Variants in CAMK1D observed in about 807,000 individuals in gnomAD.
CAMK1D encodes calcium/calmodulin-dependent protein kinase type 1D.
A neutral mutation model predicts 47.7 loss-of-function variants in CAMK1D; 9 were observed. The observed-to-expected ratio is 0.19, with a 90% confidence interval of 0.11 to 0.33. The LOEUF (loss-of-function observed/expected upper bound fraction) is 0.33, where lower values mean the gene tolerates loss of function less well. CAMK1D is among the 10% of genes least tolerant of loss of function. CAMK1D has a pLI of 1.00. For synonymous variants in CAMK1D, 184 were observed against 184.9 expected (o/e 0.99, Z 0.04); for missense variants, 291 against 488.7 (o/e 0.60, Z 3.81).
intron 2 of CAMK1D, among the ~76,000 whole-genome samples, chr10:12,626,442 G>A (rs899793084): frequency 6.8e-6 from 1 of 147,312 alleles, no homozygotes. Context: ...TCTTTACATT[G>A]TTTCTTCTAG....
At chr10:12,617,323 A>G (rs1025502279) in intron 2 of CAMK1D, among the ~76,000 whole-genome samples, 1 of 152,232 alleles carries the variant, frequency 6.6e-6, no homozygotes, top group Non-Finnish European at 1.5e-5. Context: ...GGAAAAATAC[A>G]TAAGCAAAAA....
chr10:12,478,813 C>T (rs1442611216), intron 1 of CAMK1D, among the ~76,000 whole-genome samples: 1 of 152,106 alleles, frequency 6.6e-6, no homozygotes, highest in African/African-American at 2.4e-5. Context: ...AACCGCTTCC[C>T]TGTTACAGAT....
chr10:12,785,423 G>T (rs1174184688), intron 5 of CAMK1D, among the ~76,000 whole-genome samples: 1 of 152,214 alleles, frequency 6.6e-6, no homozygotes, highest in African/African-American at 2.4e-5. Context: ...AGGCATGGGA[G>T]CAGCAGGGAG....
At chr10:12,405,874 G>T (rs1237294161) in intron 1 of CAMK1D, among the ~76,000 whole-genome samples, 1 of 152,098 alleles carries the variant, frequency 6.6e-6, no homozygotes, top group Admixed American at 6.6e-5. Context: ...GCAATAATTT[G>T]CCAGCCCTTT....
chr10:12,570,072 T>C (rs1421742369), intron 2 of CAMK1D, among the ~76,000 whole-genome samples: 2 of 151,958 alleles, frequency 1.3e-5, no homozygotes, highest in Admixed American at 6.6e-5. Flanking sequence ...TGGTAGCATG[T>C]ACCTGTAATC....
At chr10:12,625,647 T>TTTTTTTTTTTTTTTTTTG (rs1554799416) in intron 2 of CAMK1D, among the ~76,000 whole-genome samples, 4 of 148,520 alleles carry the variant, frequency 2.7e-5, no homozygotes, top group African/African-American at 5.0e-5. Flanking sequence ...CCCCATTTCT[T>TTTTTTTTTTTTTTTTTTG]ACTGTGTAAT....
chr10:12,475,135 C>T (rs773848827), intron 1 of CAMK1D, among the ~76,000 whole-genome samples: 11 of 152,028 alleles, frequency 7.2e-5, no homozygotes, highest in Non-Finnish European at 2.9e-5. Flanking sequence ...ATTGCTGGGT[C>T]GAATTCATTG....
In CAMK1D at chr10:12,802,722, A is replaced by G. The variant is rs531832585; in HGVS notation, c.642-11473A>G. ...TTTTTAGTAGAGATGGGGTTTCACC[A>G]TGTTGGCCAGGCTGGTCTTGAACTA... On this transcript the variant is annotated intron_variant, in intron 6 of 10. Transcript: ENST00000619168. Among the ~76,000 whole-genome samples, 6 of 152,232 alleles carry G rather than the reference A, an allele frequency of 3.9e-5. 1 individual carries two copies. The East Asian group carries it at 7.7e-4, about 20-fold the overall frequency.
intron 2 of CAMK1D, among the ~76,000 whole-genome samples, chr10:12,622,006 G>A (rs1022211509): frequency 1.3e-5 from 2 of 152,186 alleles, no homozygotes; most frequent in Non-Finnish European, 2.9e-5. Flanking sequence ...CCTTCCCACT[G>A]TGCAGTGGGA....
At chr10:12,529,142 A>C (rs1206100568) in intron 1 of CAMK1D, among the ~76,000 whole-genome samples, 1 of 152,116 alleles carries the variant, frequency 6.6e-6, no homozygotes, top group Non-Finnish European at 1.5e-5. Context: ...TTGCTCTCTC[A>C]TCTTCACCCT....
intron 1 of CAMK1D, among the ~76,000 whole-genome samples, chr10:12,498,817 A>C (rs1192116099): frequency 6.6e-6 from 1 of 152,190 alleles, no homozygotes; most frequent in Non-Finnish European, 1.5e-5. Flanking sequence ...ACTTCTTTAC[A>C]TTCAAACTTG....
chr10:12,635,578 G>C (rs1436654290), intron 2 of CAMK1D, among the ~76,000 whole-genome samples: 2 of 152,042 alleles, frequency 1.3e-5, no homozygotes, highest in East Asian at 3.8e-4. Flanking sequence ...CCATCTTGCT[G>C]GGGGGGAAGA....
chr10:12,423,095 G>A lies in CAMK1D; in HGVS notation c.92+73185G>A, dbSNP rs544769408. On this transcript the variant is annotated intron_variant, in intron 1 of 10. Transcript: ENST00000619168. Reference sequence around the variant, plus strand: ...AAGCACGCGATGTTTTTATGATGCAGAATAAAGGAGGGAAGAAGGGATGTT... The same window carrying A: ...AAGCACGCGATGTTTTTATGATGCAAAATAAAGGAGGGAAGAAGGGATGTT... Among the ~76,000 whole-genome samples, 10 of 152,330 alleles carry A rather than the reference G, an allele frequency of 6.6e-5. No homozygotes were observed. The East Asian group carries it at 1.9e-3, about 29-fold the overall frequency.
intron 3 of CAMK1D, among the ~76,000 whole-genome samples, chr10:12,691,311 C>T (rs190391395): frequency 2.1e-3 from 296 of 143,404 alleles, no homozygotes; most frequent in Middle Eastern, 3.6e-3. Flanking sequence ...ACTCTGTGGA[C>T]GAGAGAGGTT....
At chr10:12,549,536 C>G (rs1836510813) in intron 1 of CAMK1D, among the ~76,000 whole-genome samples, 1 of 152,186 alleles carries the variant, frequency 6.6e-6, no homozygotes, top group Admixed American at 6.5e-5. Context: ...CTGTTCAGTC[C>G]CTGCTTTCAC....
chr10:12,769,580 C>G (rs1320181118), intron 4 of CAMK1D, 93 bp from the exon 5 acceptor site: 1 of 1,410,190 alleles, frequency 7.1e-7, no homozygotes, highest in Non-Finnish European at 9.7e-7. Flanking sequence ...GACGTCCTGA[C>G]GTTGTGAATA....
intron 1 of CAMK1D, among the ~76,000 whole-genome samples, chr10:12,538,885 CAAAAAAAA>C (rs60713871): frequency 1.6e-4 from 14 of 89,196 alleles, no homozygotes; most frequent in East Asian, 2.8e-4. Context: ...AAAACTGAGG[CAAAAAAAA>C]AAAAAAAAAA....
At chr10:12,747,980 G>C (rs187216361) in intron 3 of CAMK1D, among the ~76,000 whole-genome samples, 1 of 152,160 alleles carries the variant, frequency 6.6e-6, no homozygotes, top group African/African-American at 2.4e-5. Context: ...CATCCAAAAA[G>C]CAGACACACT....
chr10:12,445,408 A>T (rs577199925), intron 1 of CAMK1D, among the ~76,000 whole-genome samples: 21 of 152,364 alleles, frequency 1.4e-4, no homozygotes, highest in Non-Finnish European at 2.9e-4. Context: ...AGTCAGACTT[A>T]GCTTTGGTTC....
Sources: gnomAD v4.1 joint callset for allele counts (sites outside exome capture counted in the v4.1 genomes callset) on GRCh38, gnomAD v4.1.1 for gene constraint, MANE v1.5 for transcripts, NCBI Gene and HGNC (gene_info 2026-07-23, HGNC 2026-07-21) for gene names.